The following TMEM116 variants were observed in gnomAD, a reference collection of about 807,000 sequenced individuals.
TMEM116 encodes transmembrane protein 116.
In TMEM116, 38 loss-of-function variants were observed where a neutral mutation model predicts 44.3. That is an observed-to-expected ratio of 0.86 (90% CI 0.66 to 1.12). TMEM116 has a LOEUF of 1.12. TMEM116 is among the 50% of genes most tolerant of loss of function. TMEM116 has a pLI of 0.00. For missense variants in TMEM116, 354 were observed against 401.7 expected, an observed-to-expected ratio of 0.88 and a Z score of 1.01; for synonymous variants, 132 against 144.8, an observed-to-expected ratio of 0.91 and a Z score of 0.64.
At chr12:111,963,295 C>A (rs961232247) in intron 4 of TMEM116, among the ~76,000 whole-genome samples, 2 of 152,152 alleles carry the variant, frequency 1.3e-5, no homozygotes, top group African/African-American at 4.8e-5. Context: ...ACCAGAAATA[C>A]CATTTGACCC....
chr12:111,968,112 G>C (rs2075086322), intron 4 of TMEM116, among the ~76,000 whole-genome samples: 1 of 152,114 alleles, frequency 6.6e-6, no homozygotes, highest in Non-Finnish European at 1.5e-5. Context: ...TCATAGATTT[G>C]CAGAGGATTT....
At chr12:111,957,560 C>T (rs1450015347) in intron 4 of TMEM116, among the ~76,000 whole-genome samples, 7 of 151,470 alleles carry the variant, frequency 4.6e-5, no homozygotes, top group South Asian at 2.1e-4. Context: ...CCCAGCCAGC[C>T]GCCCCGTCTG....
chr12:112,004,235 C>T (rs1401187569), intron 2 of TMEM116, among the ~76,000 whole-genome samples: 2 of 151,418 alleles, frequency 1.3e-5, no homozygotes, highest in Non-Finnish European at 2.9e-5. Flanking sequence ...CCCACTTTGG[C>T]CTTTCAAGCA....
chr12:111,940,550 C>CATATATGTGTATAT (rs1565874405), intron 5 of TMEM116, among the ~76,000 whole-genome samples: 8 of 127,702 alleles, frequency 6.3e-5, no homozygotes, highest in African/African-American at 2.2e-4. Flanking sequence ...TATATACACA[C>CATATATGTGTATAT]ACACATATAT....
At chr12:112,005,757 G>A (rs776196599) in intron 1 of TMEM116, 3 of 965,802 alleles carry the variant, frequency 3.1e-6, no homozygotes, top group Non-Finnish European at 3.7e-6. Flanking sequence ...ACAGAGATGT[G>A]TGGAAAGAAT....
chr12:111,932,030 C>T lies in TMEM116; in HGVS notation c.808-203G>A, dbSNP rs142296879. On this transcript the variant is annotated intron_variant, in intron 10 of 10. Coordinates refer to ENST00000552374, the MANE Select transcript of TMEM116 (RefSeq NM_001193531.2). ...CTGTTACGGATGACTGAGAGTTGGT[C>T]ATACTTCTTAGTATATACATAGGGA... Among the ~76,000 whole-genome samples, 707 of 152,248 alleles carry T rather than the reference C, an allele frequency of 4.6e-3. 7 individuals are homozygous for T. The highest frequency in any genetic ancestry group is 0.016 in the African/African-American group (646 of 41,532).
chr12:111,994,858 C>T (rs1000880068), intron 3 of TMEM116, among the ~76,000 whole-genome samples: 2 of 152,130 alleles, frequency 1.3e-5, no homozygotes, highest in African/African-American at 2.4e-5. Context: ...CCAGAAAAGC[C>T]GTGGCAAGAT....
chr12:111,958,277 T>TAACAAAAAAAAAAAAAAAAAAA (rs1491480651), intron 4 of TMEM116, among the ~76,000 whole-genome samples: 1 of 27,494 alleles, frequency 3.6e-5, no homozygotes, highest in African/African-American at 1.3e-4. Flanking sequence ...CAATAAATAC[T>TAACAAAAAAAAAAAAAAAAAAA]AAAAAAAAAA....
At chr12:111,990,297 C>A (rs2076485012) in intron 4 of TMEM116, among the ~76,000 whole-genome samples, 1 of 150,994 alleles carries the variant, frequency 6.6e-6, no homozygotes. Flanking sequence ...CTGTACCAAG[C>A]ACAAAGTAAA....
At position 111,936,738 on chromosome 12, in the gene TMEM116, A is replaced by G. The variant is rs1409145066; in HGVS notation, c.542T>C (p.Ile181Thr). 6.2e-7 allele frequency: 1 copy of G among 1,614,012 alleles called. No individual in the cohort carries two copies. Among genetic ancestry groups the G allele is most frequent in the African/African-American group, 1.3e-5 (1 of 74,938 alleles). The change falls in exon 8 of 11, where the codon ATC becomes ACC. Residue 181 changes from isoleucine to threonine, a missense_variant. Coordinates refer to ENST00000552374, the MANE Select transcript of TMEM116 (RefSeq NM_001193531.2). ...SVCSTLYFYG[I>T]AIFLGSFVLS... is the part of the protein sequence containing the mutation. ...TACAAAGCTGCCCAGGAAAATGGCG[A>G]TACCATAAAAATAAAGTGTGCTACA...
At chr12:111,934,128 C>A in intron 8 of TMEM116, 98 bp from the exon 9 acceptor site, 1 of 1,370,000 alleles carries the variant, frequency 7.3e-7, no homozygotes, top group South Asian at 1.4e-5. Flanking sequence ...CTCTTAGAAT[C>A]TCACAACAGG....
intron 4 of TMEM116, among the ~76,000 whole-genome samples, chr12:111,948,289 G>T (rs937435618): frequency 2.6e-5 from 4 of 152,158 alleles, no homozygotes; most frequent in African/African-American, 9.7e-5. Context: ...TCTGAGAAAC[G>T]TAGGAGTTCA....
At chr12:111,988,929 T>C (rs2076388552) in intron 4 of TMEM116, among the ~76,000 whole-genome samples, 1 of 151,852 alleles carries the variant, frequency 6.6e-6, no homozygotes, top group African/African-American at 2.4e-5. Context: ...GAGGTGGAGG[T>C]TGCAGTGAGC....
chr12:112,001,137 A>G (rs1454375553), intron 3 of TMEM116, among the ~76,000 whole-genome samples: 1 of 152,222 alleles, frequency 6.6e-6, no homozygotes, highest in Non-Finnish European at 1.5e-5. Flanking sequence ...GAGCATCTCT[A>G]TTTTGTTTTA....
At chr12:111,991,638 G>C (rs755093013) in intron 4 of TMEM116, 120 bp downstream of exon 4, 1 of 987,468 alleles carries the variant, frequency 1.0e-6, no homozygotes, top group Non-Finnish European at 1.4e-6. Flanking sequence ...AAAAGCTATT[G>C]TTTCAAAATG....
rs373253039 is a variant in TMEM116 at position 111,943,338 on chromosome 12, A to G, written c.242T>C (p.Val81Ala). The G allele has an allele frequency of 2.6e-5, 42 of 1,613,936 alleles. No homozygotes were observed. Among genetic ancestry groups the G allele is most frequent in the Non-Finnish European group, 3.6e-5 (42 of 1,179,904 alleles). Residue 81 changes from valine (V) to alanine (A), a missense_variant, in exon 5 of 11, where the codon GTC becomes GCC. By Grantham distance (64) the Val-to-Ala change is moderately conservative. Coordinates refer to ENST00000552374, the MANE Select transcript of TMEM116 (RefSeq NM_001193531.2). Reference protein sequence around the residue: ...IFYISSFLYTVNYIWYLYTEL... With the variant: ...IFYISSFLYTANYIWYLYTEL... ...TGTGTACAAATACCAGATGTAATTG[A>G]CGGTGTAGAGAAATGAGGAAATGTA...
intron 4 of TMEM116, among the ~76,000 whole-genome samples, chr12:111,974,311 T>C (rs1473576499): frequency 6.6e-6 from 1 of 152,008 alleles, no homozygotes; most frequent in Non-Finnish European, 1.5e-5. Context: ...TATTCAACAT[T>C]GTACTGGAGG....
chr12:111,979,808 A>G (rs1039226358), intron 4 of TMEM116, among the ~76,000 whole-genome samples: 3 of 152,344 alleles, frequency 2.0e-5, no homozygotes. Context: ...ACCAAAGAAG[A>G]CAGGTAGCAA....
intron 4 of TMEM116, among the ~76,000 whole-genome samples, chr12:111,985,808 G>C (rs562197349): frequency 1.2e-3 from 183 of 152,138 alleles, no homozygotes; most frequent in Middle Eastern, 3.4e-3. Flanking sequence ...TGTTGCCCAG[G>C]CTGGTCTCAA....
Sources: gnomAD v4.1 joint callset for allele counts (sites outside exome capture counted in the v4.1 genomes callset) on GRCh38, gnomAD v4.1.1 for gene constraint, MANE v1.5 for transcripts, NCBI Gene and HGNC (gene_info 2026-07-23, HGNC 2026-07-21) for gene names.